The following SYTL5 variants were observed in gnomAD, a reference collection of about 807,000 sequenced individuals.
SYTL5 encodes the protein synaptotagmin like 5.
SYTL5 carries 34 observed loss-of-function variants against 55.9 expected under a neutral mutation model. The ratio of observed to expected loss-of-function variants is 0.61; its 90% confidence interval spans 0.46 to 0.81. SYTL5 has a LOEUF of 0.81. Ranked by LOEUF, SYTL5 falls within the 30% of genes least tolerant of loss-of-function variation. The probability of loss-of-function intolerance (pLI) is 0.00; values close to 1 mark genes in which losing one functional copy is unlikely to be tolerated. For missense variants in SYTL5, 637 were observed against 546.7 expected, an observed-to-expected ratio of 1.17 and a Z score of -1.65; for synonymous variants, 221 against 188.7, an observed-to-expected ratio of 1.17 and a Z score of -1.40.
intron 5 of SYTL5, among the ~76,000 whole-genome samples, chrX:38,074,574 A>G (rs1241944648): frequency 9.0e-6 from 1 of 111,709 alleles, no homozygotes; most frequent in Non-Finnish European, 1.9e-5. Flanking sequence ...CTTTTCAGAC[A>G]GCATTGCTTC....
At chrX:38,096,842 T>C (rs969132063) in intron 9 of SYTL5, among the ~76,000 whole-genome samples, 1 of 110,948 alleles carries the variant, frequency 9.0e-6, no homozygotes, top group African/African-American at 3.3e-5. Flanking sequence ...AAACTTAGAG[T>C]TCTAAAATGA....
chrX:38,062,998 C>T (rs762177232), intron 3 of SYTL5, among the ~76,000 whole-genome samples: 2 of 111,299 alleles, frequency 1.8e-5, no homozygotes, highest in Admixed American at 9.6e-5. Context: ...CTAACTCTCC[C>T]GAAAATTACT....
chrX:37,935,826 A>T, the SYTL5 span, among the ~76,000 whole-genome samples: 1 of 112,606 alleles, frequency 8.9e-6, no homozygotes, highest in East Asian at 2.8e-4. Flanking sequence ...ATAATGGATG[A>T]CTAAAAGAAC....
chrX:37,889,105 AAAAG>A, the SYTL5 span, among the ~76,000 whole-genome samples: 1 of 112,005 alleles, frequency 8.9e-6, no homozygotes, highest in East Asian at 2.8e-4. Context: ...TTTGGATATT[AAAAG>A]AAAGACTGGA....
rs781173570 is a variant in SYTL5, at chrX:38,125,522, A to G, written c.2050+16A>G. On this transcript the variant is annotated intron_variant, in intron 16 of 16. Transcript: ENST00000297875. ...TCTGGAAGTGGTGAGGGATTTGGGG[A>G]CCCACAGGGATGGTCTGTGACTAGG... The G allele has an allele frequency of 1.7e-6, 2 of 1,185,516 alleles. No individual in the cohort carries two copies. The highest frequency in any genetic ancestry group is 2.3e-6 in the Non-Finnish European group (2 of 873,361).
chrX:38,024,533 T>C (rs1427211631), intron 1 of SYTL5, among the ~76,000 whole-genome samples: 2 of 111,529 alleles, frequency 1.8e-5, no homozygotes, highest in Admixed American at 9.5e-5. Context: ...TCTCATGGGA[T>C]ACTGTTGTTC....
At chrX:37,952,437 A>G in the SYTL5 span, among the ~76,000 whole-genome samples, 5 of 111,648 alleles carry the variant, frequency 4.5e-5, no homozygotes, top group African/African-American at 1.6e-4. Flanking sequence ...TGAAGTTGCC[A>G]AACTCCTACT....
chrX:38,032,999 A>G (rs1157919851), intron 1 of SYTL5, among the ~76,000 whole-genome samples: 1 of 112,349 alleles, frequency 8.9e-6, no homozygotes, highest in Admixed American at 9.4e-5. Flanking sequence ...TGTTGGGATT[A>G]CAGATGTGAG....
chrX:38,085,939 C>T (rs1485968581), intron 6 of SYTL5, among the ~76,000 whole-genome samples: 1 of 111,214 alleles, frequency 9.0e-6, no homozygotes, highest in Non-Finnish European at 1.9e-5. Flanking sequence ...CCCTATTAAC[C>T]TCAATAGGGA....
At chrX:38,093,060 T>C (rs1936839737) in intron 7 of SYTL5, among the ~76,000 whole-genome samples, 2 of 112,010 alleles carry the variant, frequency 1.8e-5, no homozygotes, top group South Asian at 7.5e-4. Flanking sequence ...GTGTTGAAAA[T>C]TGACCTAAAC....
the SYTL5 span, among the ~76,000 whole-genome samples, chrX:37,914,040 G>A: frequency 8.0e-5 from 9 of 111,812 alleles, no homozygotes; most frequent in East Asian, 2.5e-3. Flanking sequence ...ACTATCTTTG[G>A]TGTACAAAGA....
chrX:38,083,241 C>CA (rs1282122239), intron 6 of SYTL5, among the ~76,000 whole-genome samples: 1 of 111,026 alleles, frequency 9.0e-6, no homozygotes, highest in Non-Finnish European at 1.9e-5. Context: ...TGCTAAAAAA[C>CA]AAAAATATTA....
At chrX:38,126,028 G>A (rs995834943) in intron 16 of SYTL5, among the ~76,000 whole-genome samples, 15 of 111,789 alleles carry the variant, frequency 1.3e-4, no homozygotes, top group Non-Finnish European at 1.9e-4. Flanking sequence ...GCCACAAGAC[G>A]CAACTGTAAC....
the SYTL5 span, among the ~76,000 whole-genome samples, chrX:37,998,762 G>C: frequency 9.0e-6 from 1 of 111,493 alleles, no homozygotes; most frequent in Non-Finnish European, 1.9e-5. Flanking sequence ...CCAGAAAAAC[G>C]ACACCCTAAA....
chrX:38,094,615 A>G (rs918392421), intron 8 of SYTL5, among the ~76,000 whole-genome samples, 191 bp downstream of exon 8: 5 of 111,846 alleles, frequency 4.5e-5, no homozygotes, highest in African/African-American at 1.6e-4. Flanking sequence ...GGCACCTTAC[A>G]TTCATGAAAA....
Position 38,128,685 on chromosome X carries a change from G to A in SYTL5, c.*1955G>A, listed in dbSNP as rs1001049938. ...AGAAAATGGTTATTAGTCTAGTGTC[G>A]CTTAGCAAGGTACTTAAAAGAAAAT... is the stretch of plus-strand genomic sequence containing the variant. On this transcript the variant is annotated 3_prime_UTR_variant, in exon 17 of 17. Coordinates refer to ENST00000297875, the MANE Select transcript of SYTL5 (RefSeq NM_138780.3). 20 of 111,635 alleles carry A rather than the reference G, an allele frequency of 1.8e-4. No homozygotes were observed. The highest frequency in any genetic ancestry group is 5.2e-4 in the African/African-American group (16 of 30,756). 9.2% of individuals were successfully genotyped at this position (111,635 alleles called of 1,213,427 possible).
At chrX:37,928,579 G>T in the SYTL5 span, among the ~76,000 whole-genome samples, 1 of 111,333 alleles carries the variant, frequency 9.0e-6, no homozygotes, top group African/African-American at 3.3e-5. Flanking sequence ...GCCTTACACA[G>T]TAGCTGTGGG....
intron 1 of SYTL5, among the ~76,000 whole-genome samples, chrX:38,007,207 A>G (rs1462526541): frequency 8.9e-6 from 1 of 111,890 alleles, no homozygotes; most frequent in African/African-American, 3.2e-5. Context: ...AATATCCAGT[A>G]TGGATATAAA....
At chrX:37,955,629 C>G in the SYTL5 span, among the ~76,000 whole-genome samples, 3 of 111,833 alleles carry the variant, frequency 2.7e-5, no homozygotes, top group African/African-American at 9.7e-5. Flanking sequence ...TGAGACTCAC[C>G]CTTATGTAGC....
Sources: gnomAD v4.1 joint callset for allele counts (sites outside exome capture counted in the v4.1 genomes callset) on GRCh38, gnomAD v4.1.1 for gene constraint, MANE v1.5 for transcripts, NCBI Gene and HGNC (gene_info 2026-07-23, HGNC 2026-07-21) for gene names.